The following CARD6 variants were observed in gnomAD, a reference collection of about 807,000 sequenced individuals.
CARD6 encodes caspase recruitment domain family member 6, also known as caspase recruitment domain-containing protein 6.
Under a neutral mutation model 23.6 loss-of-function variants are expected in CARD6, and 27 were observed. That is an observed-to-expected ratio of 1.14 (90% confidence interval 0.84 to 1.58). CARD6 has a LOEUF of 1.58. CARD6 is among the 40% of genes most tolerant of loss of function. CARD6 has a pLI of 0.00. For missense variants in CARD6, 1,214 were observed against 1,209.9 expected, an observed-to-expected ratio of 1.00 and a Z score of -0.05; for synonymous variants, 397 against 431.8, an observed-to-expected ratio of 0.92 and a Z score of 1.00.
chr5:40,846,901 G>A (rs1476354179), intron 2 of CARD6, among the ~76,000 whole-genome samples: 1 of 152,112 alleles, frequency 6.6e-6, no homozygotes, highest in African/African-American at 2.4e-5. Flanking sequence ...CATTACTTCT[G>A]CCACATTCTG....
Position 40,853,885 on chromosome 5 carries a change from C to T in CARD6, c.2553C>T (p.His851=), listed in dbSNP as rs754841933. ...GGGCAGTAGCCTCCAAGATAGGTCA[C>T]TCCTATTCCCTGGATTCACAGCCAG... is the stretch of plus-strand genomic sequence containing the variant. The part of the protein sequence containing the change: ...RSRAVASKIG[H]SYSLDSQPAR... Residue 851 remains histidine (H), a synonymous_variant, in exon 3 of 3, where the codon CAC becomes CAT. Transcript: ENST00000254691. 6 of 1,614,198 alleles carry T rather than the reference C, an allele frequency of 3.7e-6. No individual in the cohort carries two copies. The East Asian group carries it at 1.3e-4, about 36-fold the overall frequency.
At chr5:40,850,878 G>T (rs1746054100) in intron 2 of CARD6, among the ~76,000 whole-genome samples, 1 of 151,764 alleles carries the variant, frequency 6.6e-6, no homozygotes, top group Non-Finnish European at 1.5e-5. Context: ...ATAGGCAATT[G>T]TTAAATAGTT....
intron 2 of CARD6, among the ~76,000 whole-genome samples, chr5:40,849,979 C>CA (rs202066147): frequency 3.3e-4 from 45 of 137,552 alleles, no homozygotes; most frequent in South Asian, 6.9e-4. Context: ...GACCCTGTCT[C>CA]AAAAAAAAAA....
rs1745906870 is a variant in CARD6 at position 40,843,263 on chromosome 5, T to C, written c.395T>C (p.Val132Ala). 1 of 1,613,938 alleles carries C rather than the reference T, an allele frequency of 6.2e-7. No individual in the cohort carries two copies. The change falls in exon 2 of 3, where the codon GTG (valine) becomes GCG (alanine). Residue 132 changes from valine to alanine, a missense_variant. Val to Ala is a moderately conservative substitution (Grantham distance 64). Transcript: ENST00000254691. Reference sequence around the variant, plus strand: ...CAGCCTGAAGCCCCTGAGATCACAGTGTTCTTCAGTGAGAAGGAACACTTG... The same window carrying C: ...CAGCCTGAAGCCCCTGAGATCACAGCGTTCTTCAGTGAGAAGGAACACTTG... Reference protein sequence around the residue: ...IKQPEAPEITVFFSEKEHLDL... With the variant: ...IKQPEAPEITAFFSEKEHLDL...
intron 2 of CARD6, among the ~76,000 whole-genome samples, chr5:40,848,536 A>G (rs758306942): frequency 1.3e-5 from 2 of 152,092 alleles, no homozygotes; most frequent in Non-Finnish European, 2.9e-5. Context: ...TATATGCTAA[A>G]TCTAACATCT....
chr5:40,848,171 C>T (rs1579802870), intron 2 of CARD6, among the ~76,000 whole-genome samples: 1 of 149,034 alleles, frequency 6.7e-6, no homozygotes, highest in Non-Finnish European at 1.5e-5. Context: ...CTGAGAATTC[C>T]TATTTAATCA....
Position 40,844,887 on chromosome 5 carries a change from T to G in CARD6, c.841+1178T>G, listed in dbSNP as rs1014952282. Among the ~76,000 whole-genome samples the G allele has an allele frequency of 3.3e-4, 49 of 149,504 alleles. 2 individuals are homozygous for G. In the South Asian group the frequency reaches 0.01, roughly 31 times the overall value. ...TTCCTTCTTTTTTTTTTTTTTTTTT[T>G]GAAACAGAGTCTCACTCGTCGCCCA... On this transcript the variant is annotated intron_variant, in intron 2 of 2. Transcript: ENST00000254691.
Position 40,853,020 on chromosome 5 carries a change from A to C in CARD6, c.1688A>C (p.Lys563Thr). The C allele has an allele frequency of 6.2e-7, 1 of 1,614,190 alleles. No homozygotes were observed. Among genetic ancestry groups the C allele is most frequent in the Non-Finnish European group, 8.5e-7 (1 of 1,180,028 alleles). ...VFFFTDCLGEKEWDLLMFLGE... is the reference protein window; with the variant it reads ...VFFFTDCLGETEWDLLMFLGE... ...TTTTTCACTGACTGTTTAGGTGAGA[A>C]GGAATGGGACTTGCTAATGTTTTTA... The change falls in exon 3 of 3, where the codon AAG becomes ACG. Residue 563 changes from lysine to threonine, a missense_variant. Lys to Thr is a moderately conservative substitution (Grantham distance 78). Coordinates refer to ENST00000254691, the MANE Select transcript of CARD6 (RefSeq NM_032587.4).
At chr5:40,842,194 T>C (rs1399842303) in intron 1 of CARD6, among the ~76,000 whole-genome samples, 2 of 152,220 alleles carry the variant, frequency 1.3e-5, no homozygotes, top group African/African-American at 4.8e-5. Context: ...GTGCTAATTC[T>C]TAAATGGTTC....
Position 40,841,636 on chromosome 5 carries a change from A to C in CARD6, c.254A>C (p.Gln85Pro). ...FLKCLFSTFP[Q>P]SAAICGLRHE... ...AAGTGTTTATTTAGTACTTTTCCAC[A>C]GTCAGCTGCCATTTGCGGCTTAAGG... The change falls in exon 1 of 3, where the codon CAG becomes CCG. Residue 85 changes from glutamine to proline, a missense_variant. Gln to Pro is a moderately conservative substitution (Grantham distance 76). Transcript: ENST00000254691. The C allele has an allele frequency of 6.2e-7, 1 of 1,613,942 alleles. No individual in the cohort carries two copies. Among genetic ancestry groups the C allele is most frequent in the Non-Finnish European group, 8.5e-7 (1 of 1,179,910 alleles).
chr5:40,848,498 G>C (rs1187318258), intron 2 of CARD6, among the ~76,000 whole-genome samples: 1 of 152,120 alleles, frequency 6.6e-6, no homozygotes, highest in African/African-American at 2.4e-5. Context: ...TTACAGGCAT[G>C]AGCCACCATG....
Position 40,849,014 on chromosome 5 carries a change from C to CT in CARD6, c.842-3151dup, listed in dbSNP as rs1006985730. On this transcript the variant is annotated intron_variant, in intron 2 of 2. Transcript: ENST00000254691. ...GGATCCTGTGGGTATTGATGTCTTT[C>CT]TTTTTTTTTGAGATGACAGGCTGGA... 9.3e-5 allele frequency among the ~76,000 whole-genome samples: 14 copies of CT among 150,890 alleles called. No individual in the cohort carries two copies. The East Asian group carries it at 1.8e-3, about 19-fold the overall frequency.
At chr5:40,843,939 A>C (rs886835199) in intron 2 of CARD6, among the ~76,000 whole-genome samples, 1 of 152,158 alleles carries the variant, frequency 6.6e-6, no homozygotes, top group Non-Finnish European at 1.5e-5. Flanking sequence ...GTAAATATTG[A>C]TTGTCAGTTT....
chr5:40,841,697 G>A, intron 1 of CARD6, 32 bp downstream of exon 1: 1 of 1,530,572 alleles, frequency 6.5e-7, no homozygotes, highest in Non-Finnish European at 8.8e-7. Context: ...TTTGGGGTGA[G>A]AGGAAGGGGG....
intron 2 of CARD6, among the ~76,000 whole-genome samples, chr5:40,843,984 T>G (rs1745923552): frequency 6.6e-6 from 1 of 152,218 alleles, no homozygotes; most frequent in Non-Finnish European, 1.5e-5. Context: ...GAGTTGCCAA[T>G]CATTAATTTC....
At position 40,853,920 on chromosome 5, in the gene CARD6, T is replaced by C; in HGVS notation, c.2588T>C (p.Val863Ala). The C allele has an allele frequency of 6.2e-7, 1 of 1,614,090 alleles. No homozygotes were observed. The highest frequency in any genetic ancestry group is 8.5e-7 in the Non-Finnish European group (1 of 1,180,022). ...YSLDSQPARAVGKPWPQQACT... is the reference protein window; with the variant it reads ...YSLDSQPARAAGKPWPQQACT... The stretch of plus-strand genomic sequence containing the variant: ...CTGGATTCACAGCCAGCAAGAGCAG[T>C]AGGGAAGCCATGGCCTCAGCAAGCT... The change falls in exon 3 of 3, where the codon GTA becomes GCA. Residue 863 changes from valine to alanine, a missense_variant. Transcript: ENST00000254691.
chr5:40,843,437 C>T lies in CARD6; in HGVS notation c.569C>T (p.Thr190Ile), dbSNP rs774583004. ...VEKVGCEVPATITYIKDGQRY... is the reference protein window; with the variant it reads ...VEKVGCEVPAIITYIKDGQRY... ...AAAGTTGGATGTGAAGTTCCAGCAA[C>T]TATTACATATATAAAAGATGGACAG... The change falls in exon 2 of 3, where the codon ACT becomes ATT. Residue 190 changes from threonine (T) to isoleucine (I), a missense_variant. Thr to Ile is a moderately conservative substitution (Grantham distance 89). Coordinates refer to ENST00000254691, the MANE Select transcript of CARD6 (RefSeq NM_032587.4). 6 of 1,613,780 alleles carry T rather than the reference C, an allele frequency of 3.7e-6. No individual in the cohort carries two copies. The East Asian group carries it at 1.1e-4, about 30-fold the overall frequency.
At chr5:40,844,372 TA>T in intron 2 of CARD6, among the ~76,000 whole-genome samples, 1 of 152,222 alleles carries the variant, frequency 6.6e-6, no homozygotes, top group South Asian at 2.1e-4. Context: ...TAGCTAGCAT[TA>T]CAGGTGCCTG....
At chr5:40,843,083 G>A (rs1325126652) in intron 1 of CARD6, 69 bp from the exon 2 acceptor site, 2 of 924,930 alleles carry the variant, frequency 2.2e-6, no homozygotes, top group Non-Finnish European at 3.3e-6. Flanking sequence ...AAGCTTTGAG[G>A]CCTCAGGAAC....
Sources: allele counts gnomAD v4.1 joint callset (sites outside exome capture counted in the v4.1 genomes callset), GRCh38; gene constraint gnomAD v4.1.1; transcripts MANE v1.5; gene names NCBI Gene and HGNC (gene_info 2026-07-23, HGNC 2026-07-21).